The following SEZ6L variants were observed in gnomAD, a reference collection of about 807,000 sequenced individuals.
The protein encoded by SEZ6L is seizure related 6 homolog like.
In SEZ6L, 37 loss-of-function variants were observed where a neutral mutation model predicts 106.2. The ratio of observed to expected loss-of-function variants is 0.35; its 90% CI spans 0.27 to 0.46. The LOEUF is 0.46. SEZ6L is among the 20% of genes least tolerant of loss of function. The pLI, the probability that SEZ6L is intolerant of heterozygous loss-of-function variation, is 1.00. For missense variants in SEZ6L, 1,172 were observed against 1,332.8 expected (o/e 0.88, Z 1.88); for synonymous variants, 541 against 570.4 (o/e 0.95, Z 0.73).
intron 1 of SEZ6L, among the ~76,000 whole-genome samples, chr22:26,263,068 C>T (rs1381635826): frequency 1.3e-5 from 2 of 152,204 alleles, no homozygotes; most frequent in Non-Finnish European, 2.9e-5. Flanking sequence ...CCCCTAAATT[C>T]CTATGGAAAG....
At chr22:26,214,850 A>G (rs1336867883) in intron 1 of SEZ6L, among the ~76,000 whole-genome samples, 3 of 152,228 alleles carry the variant, frequency 2.0e-5, no homozygotes, top group Non-Finnish European at 4.4e-5. Flanking sequence ...GGTGGTGGGC[A>G]TGGCATTGAT....
intron 1 of SEZ6L, among the ~76,000 whole-genome samples, chr22:26,278,911 GGAGA>G (rs2080651276): frequency 7.1e-6 from 1 of 140,238 alleles, no homozygotes; most frequent in Non-Finnish European, 1.5e-5. Context: ...GAGGAAGGAA[GGAGA>G]GAGGAAGGGA....
At chr22:26,213,321 A>ACACC (rs134773) in intron 1 of SEZ6L, among the ~76,000 whole-genome samples, 42,467 of 151,996 alleles carry the variant, frequency 0.28, 5,902 homozygotes, top group Middle Eastern at 0.37. Flanking sequence ...CTGGCTCCAG[A>ACACC]CACCGGCTGG....
chr22:26,298,928 G>T, intron 4 of SEZ6L, 56 bp from the exon 5 acceptor site: 1 of 1,486,282 alleles, frequency 6.7e-7, no homozygotes, highest in Non-Finnish European at 9.0e-7. Context: ...TGTGGGTCAG[G>T]TTCTTGATCT....
At chr22:26,276,905 G>C (rs1421496260) in intron 1 of SEZ6L, among the ~76,000 whole-genome samples, 1 of 152,194 alleles carries the variant, frequency 6.6e-6, no homozygotes, top group Non-Finnish European at 1.5e-5. Flanking sequence ...GTGCGCCTGT[G>C]CCAGACTCTC....
chr22:26,262,244 TTATCTATCTATC>T lies in SEZ6L; in HGVS notation c.95-30132_95-30121del, dbSNP rs58457773. On this transcript the variant is annotated intron_variant, in intron 1 of 16. Coordinates refer to ENST00000248933, the MANE Select transcript of SEZ6L (RefSeq NM_021115.5). ...TGCACCTTTTATATATTGATATATT[TTATCTATCTATC>T]TATCTATCTATCTATCTATCTATCT... Among the ~76,000 whole-genome samples, 369 of 144,322 alleles carry T rather than the reference TTATCTATCTATC, an allele frequency of 2.6e-3. 1 individual carries two copies. Among genetic ancestry groups the T allele is most frequent in the African/African-American group, 8.8e-3 (340 of 38,802 alleles). The allele number at this position is 144,322 out of a possible 152,430, so 94.7% of individuals were successfully genotyped here.
At chr22:26,346,899 A>G (rs1412716619) in intron 10 of SEZ6L, among the ~76,000 whole-genome samples, 4 of 152,158 alleles carry the variant, frequency 2.6e-5, no homozygotes, top group Non-Finnish European at 5.9e-5. Context: ...GGACTACACA[A>G]GAGTGTAAAT....
chr22:26,337,380 G>A (rs2082679094), intron 9 of SEZ6L, among the ~76,000 whole-genome samples: 1 of 152,242 alleles, frequency 6.6e-6, no homozygotes, highest in Non-Finnish European at 1.5e-5. Context: ...TGCATTGTCT[G>A]TAAACTACTG....
At chr22:26,171,616 A>C (rs1245363792) in intron 1 of SEZ6L, among the ~76,000 whole-genome samples, 1 of 152,126 alleles carries the variant, frequency 6.6e-6, no homozygotes, top group Non-Finnish European at 1.5e-5. Context: ...AGGGGGAGAC[A>C]TGTGTGTGTT....
At chr22:26,337,696 T>G (rs1313448199) in intron 9 of SEZ6L, among the ~76,000 whole-genome samples, 1 of 152,100 alleles carries the variant, frequency 6.6e-6, no homozygotes, top group Non-Finnish European at 1.5e-5. Flanking sequence ...GGTTAAAAAC[T>G]GTCAGGGGGG....
intron 1 of SEZ6L, among the ~76,000 whole-genome samples, chr22:26,239,054 C>T (rs530621754): frequency 2.0e-5 from 3 of 152,298 alleles, no homozygotes; most frequent in South Asian, 4.1e-4. Context: ...AAGACCCCAT[C>T]TCTACAAAAA....
At chr22:26,348,430 G>A (rs1212302566) in intron 11 of SEZ6L, among the ~76,000 whole-genome samples, 2 of 148,730 alleles carry the variant, frequency 1.3e-5, no homozygotes, top group East Asian at 2.0e-4. Flanking sequence ...CTGGAACGCA[G>A]GTGTTTGAGC....
chr22:26,356,485 T>C (rs1481121920), intron 12 of SEZ6L, among the ~76,000 whole-genome samples: 1 of 151,164 alleles, frequency 6.6e-6, no homozygotes, highest in African/African-American at 2.4e-5. Flanking sequence ...CTACTAAAAA[T>C]ACAAAAATTA....
intron 1 of SEZ6L, among the ~76,000 whole-genome samples, chr22:26,209,982 G>T (rs1238387931): frequency 6.6e-6 from 1 of 151,128 alleles, no homozygotes; most frequent in South Asian, 2.1e-4. Context: ...AGGGAGGAAG[G>T]AAGGAAGGGA....
intron 6 of SEZ6L, 49 bp from the exon 7 acceptor site, chr22:26,310,621 T>C (rs768011763): frequency 3.7e-6 from 6 of 1,601,306 alleles, no homozygotes; most frequent in Non-Finnish European, 5.1e-6. Context: ...GCCATGTCAG[T>C]GACCCAGGAA....
intron 1 of SEZ6L, among the ~76,000 whole-genome samples, chr22:26,285,958 T>C (rs1007599785): frequency 1.3e-5 from 2 of 152,208 alleles, no homozygotes; most frequent in African/African-American, 4.8e-5. Flanking sequence ...CAGGAGCCTT[T>C]TGATCTTTAA....
At chr22:26,318,999 T>C (rs868244533) in intron 9 of SEZ6L, among the ~76,000 whole-genome samples, 1 of 152,164 alleles carries the variant, frequency 6.6e-6, no homozygotes, top group Middle Eastern at 3.4e-3. Flanking sequence ...ACGGTGTAAA[T>C]ACTCCCACCA....
At chr22:26,357,670 T>C (rs1051789128) in intron 12 of SEZ6L, among the ~76,000 whole-genome samples, 1 of 152,228 alleles carries the variant, frequency 6.6e-6, no homozygotes, top group Non-Finnish European at 1.5e-5. Context: ...ATAACTCACC[T>C]GCTAGGATTG....
chr22:26,173,788 G>C (rs979068052), intron 1 of SEZ6L, among the ~76,000 whole-genome samples: 4 of 152,180 alleles, frequency 2.6e-5, no homozygotes, highest in Non-Finnish European at 2.9e-5. Flanking sequence ...CTGCTTTGCA[G>C]ACAGCCACTT....
Sources: gnomAD v4.1 joint callset for allele counts (sites outside exome capture counted in the v4.1 genomes callset) on GRCh38, gnomAD v4.1.1 for gene constraint, MANE v1.5 for transcripts, NCBI Gene and HGNC (gene_info 2026-07-23, HGNC 2026-07-21) for gene names.